Variants in TANC1 observed in about 807,000 individuals in gnomAD.
The protein encoded by TANC1 is protein TANC1.
In TANC1, 77 loss-of-function variants were observed where a neutral mutation model predicts 149.7. That is an observed-to-expected ratio of 0.51 (90% CI 0.43 to 0.62). The LOEUF (loss-of-function observed/expected upper bound fraction) is 0.62. Ranked by LOEUF, TANC1 falls within the 20% of genes least tolerant of loss-of-function variation. TANC1 has a pLI of 0.00. For missense variants in TANC1, 1,985 were observed against 2,321.8 expected (o/e 0.85, Z 2.98); for synonymous variants, 854 against 925.0 (o/e 0.92, Z 1.39).
chr2:159,139,928 T>C (rs545769688), intron 5 of TANC1, among the ~76,000 whole-genome samples: 1 of 152,230 alleles, frequency 6.6e-6, no homozygotes, highest in Admixed American at 6.5e-5. Context: ...TAAAGAGGTA[T>C]AAAGCATAAA....
At chr2:158,979,854 A>G (rs180722300) in intron 1 of TANC1, among the ~76,000 whole-genome samples, 32 of 152,348 alleles carry the variant, frequency 2.1e-4, no homozygotes, top group African/African-American at 7.7e-4. Context: ...TTCATATTGT[A>G]GAAAGAGTCT....
rs186766620 is a variant in TANC1, at chr2:159,126,223, A to G, written c.260-9971A>G. Among the ~76,000 whole-genome samples the G allele has an allele frequency of 3.9e-5, 6 of 152,324 alleles. No homozygotes were observed. The East Asian group carries it at 1.2e-3, about 29-fold the overall frequency. On this transcript the variant is annotated intron_variant, in intron 4 of 26. Coordinates refer to ENST00000263635, the MANE Select transcript of TANC1 (RefSeq NM_033394.3). ...GATGGGATCTTGGAATGATATCTTT[A>G]GAATTTGGCCCACCAAAGGCAGAAT...
intron 2 of TANC1, among the ~76,000 whole-genome samples, chr2:159,027,933 G>A (rs965307153): frequency 2.0e-5 from 3 of 152,034 alleles, no homozygotes; most frequent in African/African-American, 4.8e-5. Context: ...GGGCAAGAGC[G>A]TGCATGTCAG....
chr2:159,193,680 C>T (rs1224397334), intron 16 of TANC1, among the ~76,000 whole-genome samples: 2 of 152,010 alleles, frequency 1.3e-5, no homozygotes, highest in Admixed American at 6.6e-5. Flanking sequence ...CACACCACCA[C>T]GCCCAGCTAA....
At chr2:159,160,391 C>T (rs2053925425) in intron 7 of TANC1, among the ~76,000 whole-genome samples, 1 of 151,778 alleles carries the variant, frequency 6.6e-6, no homozygotes, top group Admixed American at 6.6e-5. Flanking sequence ...TGTACGTGTA[C>T]CCACAAGCAT....
Position 159,019,768 on chromosome 2 carries a change from G to A in TANC1, c.-16+18579G>A, listed in dbSNP as rs1037764669. 8.3e-5 allele frequency among the ~76,000 whole-genome samples: 12 copies of A among 145,028 alleles called. No homozygotes were observed. In the South Asian group the frequency reaches 9.0e-4, roughly 11 times the overall value. On this transcript the variant is annotated intron_variant, in intron 2 of 26. Coordinates refer to ENST00000263635, the MANE Select transcript of TANC1 (RefSeq NM_033394.3). ...ACAAAGTAGCTGGGACTACAGGTGCGTGCCACCATGTCTGGCTGAGTTTTG... is the reference window on the plus strand; with the variant it reads ...ACAAAGTAGCTGGGACTACAGGTGCATGCCACCATGTCTGGCTGAGTTTTG...
intron 7 of TANC1, among the ~76,000 whole-genome samples, chr2:159,157,950 A>G (rs187917984): frequency 6.6e-6 from 1 of 151,870 alleles, no homozygotes; most frequent in East Asian, 1.9e-4. Flanking sequence ...CTCTCTTCAG[A>G]GAGTCCTCTC....
intron 2 of TANC1, among the ~76,000 whole-genome samples, chr2:159,063,648 T>G (rs1183387188): frequency 6.6e-6 from 1 of 152,200 alleles, no homozygotes; most frequent in Non-Finnish European, 1.5e-5. Flanking sequence ...TTAAGCTATT[T>G]ACCTCGAGTT....
chr2:159,152,463 ATTTTTT>A (rs55894080), intron 7 of TANC1, among the ~76,000 whole-genome samples: 3 of 118,154 alleles, frequency 2.5e-5, no homozygotes, highest in African/African-American at 3.1e-5. Flanking sequence ...TTATAACCAA[ATTTTTT>A]TTTTTTTTTT....
chr2:159,034,646 T>C (rs1006784906), intron 2 of TANC1, among the ~76,000 whole-genome samples: 14 of 152,114 alleles, frequency 9.2e-5, no homozygotes, highest in African/African-American at 3.4e-4. Flanking sequence ...GGGATGGAAA[T>C]TGGTATGTTT....
rs571126096 is a variant in TANC1, at chr2:159,048,344, A to G, written c.-15-17552A>G. Among the ~76,000 whole-genome samples, 229 of 152,264 alleles carry G rather than the reference A, an allele frequency of 1.5e-3. 3 individuals carry two copies. The South Asian group carries it at 0.025, about 17-fold the overall frequency. ...GTAAAGACATGACTCTTGATGGTCC[A>G]TGTTGTCTGTGGCTTCGTCTGGATA... On this transcript the variant is annotated intron_variant, in intron 2 of 26. Coordinates refer to ENST00000263635, the MANE Select transcript of TANC1 (RefSeq NM_033394.3).
intron 19 of TANC1, among the ~76,000 whole-genome samples, chr2:159,211,015 C>T (rs1284243129): frequency 6.6e-6 from 1 of 151,818 alleles, no homozygotes; most frequent in Non-Finnish European, 1.5e-5. Flanking sequence ...GGATTATAGG[C>T]GCGTGCCACC....
At chr2:159,121,178 T>G (rs1342432000) in intron 4 of TANC1, among the ~76,000 whole-genome samples, 1 of 152,212 alleles carries the variant, frequency 6.6e-6, no homozygotes, top group Non-Finnish European at 1.5e-5. Flanking sequence ...ATGGGGTTTC[T>G]CCCAGCTGGC....
chr2:159,062,300 T>C (rs981622705), intron 2 of TANC1, among the ~76,000 whole-genome samples: 1 of 152,010 alleles, frequency 6.6e-6, no homozygotes, highest in Non-Finnish European at 1.5e-5. Flanking sequence ...AAAAAGAACA[T>C]TATTTCTTAT....
chr2:159,013,799 T>C (rs2038005030), intron 2 of TANC1, among the ~76,000 whole-genome samples: 1 of 152,188 alleles, frequency 6.6e-6, no homozygotes, highest in Admixed American at 6.5e-5. Context: ...AGAAAGTAGA[T>C]GGCTTGAATA....
chr2:159,072,257 C>T (rs1171866598), intron 3 of TANC1, among the ~76,000 whole-genome samples: 1 of 152,234 alleles, frequency 6.6e-6, no homozygotes, highest in Non-Finnish European at 1.5e-5. Context: ...GCTGGGATTA[C>T]AGGCGTGAGC....
rs778255034 is a variant in TANC1 at position 159,065,932 on chromosome 2, A to G, written c.22A>G (p.Lys8Glu). Residue 8 changes from lysine (K) to glutamate (E), a missense_variant, in exon 3 of 27, where the codon AAG becomes GAG. By Grantham distance (56) the Lys-to-Glu change is moderately conservative. This residue lies in a region of TANC1 where 557 missense variants were observed against 612.9 expected (regional missense o/e 0.91). Coordinates refer to ENST00000263635, the MANE Select transcript of TANC1 (RefSeq NM_033394.3). ...GAAAATGTTAAAGGCTGTGCTGAAGAAGAGCCGAGAGGGAGGAAAGGGAGG... is the reference window on the plus strand; with the variant it reads ...GAAAATGTTAAAGGCTGTGCTGAAGGAGAGCCGAGAGGGAGGAAAGGGAGG... MLKAVLK[K>E]SREGGKGGKK... The G allele has an allele frequency of 6.2e-7, 1 of 1,614,034 alleles. No individual in the cohort carries two copies. Among genetic ancestry groups the G allele is most frequent in the South Asian group, 1.1e-5 (1 of 91,078 alleles).
intron 19 of TANC1, among the ~76,000 whole-genome samples, chr2:159,202,152 C>G (rs376230753): frequency 1.9e-4 from 29 of 152,282 alleles, no homozygotes; most frequent in African/African-American, 7.0e-4. Context: ...ACAGCAGCCC[C>G]GTGGAGGTCC....
In TANC1 at chr2:159,187,010, A is replaced by G. The variant is rs2057026829; in HGVS notation, c.2728A>G (p.Thr910Ala). ...AALASLRNLYTPNVKVSRLLI... is the reference protein window; with the variant it reads ...AALASLRNLYAPNVKVSRLLI... ...CCTGGCCTCTCTCAGGAATCTCTATACTCCCAACGTGAAGGTGAGCAACCT... is the reference window on the plus strand; with the variant it reads ...CCTGGCCTCTCTCAGGAATCTCTATGCTCCCAACGTGAAGGTGAGCAACCT... The change falls in exon 16 of 27, where the codon ACT (threonine) becomes GCT (alanine). Residue 910 changes from threonine (T) to alanine (A), a missense_variant. Transcript: ENST00000263635. 1 of 1,613,934 alleles carries G rather than the reference A, an allele frequency of 6.2e-7. No homozygotes were observed. The highest frequency in any genetic ancestry group is 1.3e-5 in the African/African-American group (1 of 74,978).
Sources: gnomAD v4.1 joint callset for allele counts (sites outside exome capture counted in the v4.1 genomes callset) on GRCh38, gnomAD v4.1.1 for gene constraint, gnomAD v4.1.1 regional missense constraint, MANE v1.5 for transcripts, NCBI Gene and HGNC (gene_info 2026-07-23, HGNC 2026-07-21) for gene names.